The following MYOM2 variants were observed in gnomAD, a reference collection of about 807,000 sequenced individuals.
The protein encoded by MYOM2 is myomesin 2.
In MYOM2, 254 loss-of-function variants were observed where a neutral mutation model predicts 187.6. That is an observed-to-expected ratio of 1.35 (90% CI 1.22 to 1.50). MYOM2 has a LOEUF of 1.50. Among genes scored for constraint, MYOM2 ranks in the 40% most tolerant of loss-of-function variants. The probability of loss-of-function intolerance (pLI) is 0.00; values close to 1 mark genes in which losing one functional copy is unlikely to be tolerated. For missense variants in MYOM2, 2,796 were observed against 1,924.0 expected (o/e 1.45, Z -8.48); for synonymous variants, 981 against 753.8 (o/e 1.30, Z -4.94).
At chr8:2,112,062 T>C (rs1190133671) in intron 25 of MYOM2, among the ~76,000 whole-genome samples, 2 of 152,136 alleles carry the variant, frequency 1.3e-5, no homozygotes, top group Non-Finnish European at 1.5e-5. Context: ...CCGGGAGCTG[T>C]TGGGAGCTTG....
At chr8:2,094,968 C>G (rs1009944752) in intron 17 of MYOM2, among the ~76,000 whole-genome samples, 3 of 152,152 alleles carry the variant, frequency 2.0e-5, no homozygotes, top group African/African-American at 7.2e-5. Context: ...AGTGCGCATA[C>G]TCAGAAACAT....
chr8:2,097,162 T>C, intron 18 of MYOM2: 1 of 947,798 alleles, frequency 1.1e-6, no homozygotes. Context: ...CCTTAGAAGA[T>C]CTAATCTTTG....
rs1395663834 is a variant in MYOM2 at position 2,094,030 on chromosome 8, T to C, written c.2064T>C (p.Asn688=). 2 of 1,614,148 alleles carry C rather than the reference T, an allele frequency of 1.2e-6. No homozygotes were observed. The highest frequency in any genetic ancestry group is 1.7e-6 in the Non-Finnish European group (2 of 1,180,038). ...EQYIFRVKAV[N]AVGMSENSQE... is the part of the protein sequence containing the mutation. ...ACATCTTCCGAGTCAAGGCGGTCAA[T>C]GCTGTGGGGATGAGTGAAAATTCCC... Residue 688 remains asparagine (N), a synonymous_variant, in exon 17 of 37, where the codon AAT becomes AAC. Coordinates refer to ENST00000262113, the MANE Select transcript of MYOM2 (RefSeq NM_003970.4).
intron 10 of MYOM2, among the ~76,000 whole-genome samples, chr8:2,073,764 C>T (rs1486248355): frequency 1.3e-5 from 2 of 152,204 alleles, no homozygotes; most frequent in Non-Finnish European, 2.9e-5. Context: ...TTCATATAGT[C>T]ATTAGCATTT....
chr8:2,115,678 G>A (rs1048911923), intron 25 of MYOM2, among the ~76,000 whole-genome samples: 10 of 152,286 alleles, frequency 6.6e-5, no homozygotes, highest in East Asian at 3.9e-4. Flanking sequence ...TCTGCTTCAC[G>A]TTAGTAACTC....
chr8:2,101,141 T>A lies in MYOM2; in HGVS notation c.2619+87T>A. On this transcript the variant is annotated intron_variant, in intron 20 of 36. Transcript: ENST00000262113. ...CGGGCCAATCACTTGAGGTCAGGAG[T>A]TCGAAACCAGCCTGGCCAACATGGA... 2.2e-6 allele frequency: 3 copies of A among 1,362,662 alleles called. No individual in the cohort carries two copies. The East Asian group carries it at 7.4e-5, about 33-fold the overall frequency. The allele number at this position is 1,362,662 out of a possible 1,614,324, so 84.4% of individuals were successfully genotyped here. A position where few individuals can be genotyped will look rare whatever the true frequency, so the allele number is the denominator to read the frequency against.
rs532961839 is a variant in MYOM2, at chr8:2,057,494, G to T, written c.402+8G>T. On this transcript the variant is annotated splice_region_variant and intron_variant, in intron 4 of 36. Coordinates refer to ENST00000262113, the MANE Select transcript of MYOM2 (RefSeq NM_003970.4). ...TACGCCATTCAGCAGATGGTAGGAG[G>T]GTCTCAGGGTGGCTGGGTGTCTGGG... 6 of 1,613,898 alleles carry T rather than the reference G, an allele frequency of 3.7e-6. No individual in the cohort carries two copies. The highest frequency in any genetic ancestry group is 2.7e-5 in the African/African-American group (2 of 75,030).
chr8:2,092,425 G>T lies in MYOM2; in HGVS notation c.1908G>T (p.Lys636Asn), dbSNP rs1796337745. 1.2e-6 allele frequency: 2 copies of T among 1,614,176 alleles called. No individual in the cohort carries two copies. Among genetic ancestry groups the T allele is most frequent in the Non-Finnish European group, 1.7e-6 (2 of 1,180,038 alleles). ...TGGTGGTGCAGTGGGACCGACCTAA[G>T]CATGAGGAGGACCTGCTGGGCTACT... ...TSVVVQWDRP[K>N]HEEDLLGYYV... is the part of the protein sequence containing the mutation. The change falls in exon 16 of 37, where the codon AAG becomes AAT. Residue 636 changes from lysine to asparagine, a missense_variant. Lys to Asn is a moderately conservative substitution (Grantham distance 94). Coordinates refer to ENST00000262113, the MANE Select transcript of MYOM2 (RefSeq NM_003970.4).
At chr8:2,106,169 T>A in intron 21 of MYOM2, 73 bp from the exon 22 acceptor site, 1 of 1,496,676 alleles carries the variant, frequency 6.7e-7, no homozygotes, top group Non-Finnish European at 9.2e-7. Context: ...CCAAACCATA[T>A]CACCCTCTCC....
chr8:2,088,701 T>C (rs1161601742), intron 14 of MYOM2, among the ~76,000 whole-genome samples: 1 of 152,218 alleles, frequency 6.6e-6, no homozygotes, highest in Non-Finnish European at 1.5e-5. Flanking sequence ...TCTTTACTTT[T>C]GAGAACAGTG....
At chr8:2,131,853 C>A (rs1797883745) in intron 32 of MYOM2, among the ~76,000 whole-genome samples, 1 of 152,010 alleles carries the variant, frequency 6.6e-6, no homozygotes, top group Admixed American at 6.5e-5. Flanking sequence ...CCGTGTTAGC[C>A]AGGATGGCCT....
At chr8:2,114,354 A>T (rs989760499) in intron 25 of MYOM2, among the ~76,000 whole-genome samples, 66 of 152,356 alleles carry the variant, frequency 4.3e-4, no homozygotes, top group African/African-American at 1.5e-3. Context: ...AGACCAACCA[A>T]CAGCCTTCCA....
intron 27 of MYOM2, 96 bp from the exon 28 acceptor site, chr8:2,117,789 A>C: frequency 1.4e-6 from 1 of 728,958 alleles, no homozygotes; most frequent in East Asian, 2.8e-5. Context: ...TATACACACC[A>C]TGCATATATG....
intron 6 of MYOM2, among the ~76,000 whole-genome samples, chr8:2,061,130 AG>A (rs1267507718): frequency 6.6e-6 from 1 of 152,068 alleles, no homozygotes; most frequent in Non-Finnish European, 1.5e-5. Context: ...GGGCCCACCA[AG>A]CCTGGGGCCT....
intron 2 of MYOM2, 42 bp downstream of exon 2, chr8:2,050,915 A>T (rs766856273): frequency 1.4e-6 from 2 of 1,459,822 alleles, no homozygotes; most frequent in East Asian, 2.3e-5. Context: ...AGCTTTGATT[A>T]TGGGGGTCTG....
At chr8:2,062,353 C>A (rs970979640) in intron 6 of MYOM2, among the ~76,000 whole-genome samples, 1 of 152,154 alleles carries the variant, frequency 6.6e-6, no homozygotes, top group African/African-American at 2.4e-5. Flanking sequence ...CTGGTGGGAG[C>A]CCTTGCTAGA....
At chr8:2,068,648 T>G (rs1276290377) in intron 6 of MYOM2, among the ~76,000 whole-genome samples, 1 of 152,218 alleles carries the variant, frequency 6.6e-6, no homozygotes, top group Non-Finnish European at 1.5e-5. Context: ...TGCACCAGGA[T>G]CACCTGGAGA....
intron 11 of MYOM2, 47 bp downstream of exon 11, chr8:2,076,329 T>A (rs1450526488): frequency 6.3e-7 from 1 of 1,597,324 alleles, no homozygotes; most frequent in Non-Finnish European, 8.5e-7. Context: ...CCGCATGGAA[T>A]CTTACCATGG....
intron 20 of MYOM2, among the ~76,000 whole-genome samples, chr8:2,101,806 C>T (rs1453289985): frequency 6.6e-6 from 1 of 152,162 alleles, no homozygotes; most frequent in Middle Eastern, 3.2e-3. Context: ...TTGATAAGCA[C>T]CACACACAGA....
Sources: allele counts gnomAD v4.1 joint callset (sites outside exome capture counted in the v4.1 genomes callset), GRCh38; gene constraint gnomAD v4.1.1; transcripts MANE v1.5; gene names NCBI Gene and HGNC (gene_info 2026-07-23, HGNC 2026-07-21).